KCNK10: variants seen among roughly 807,000 people sequenced by gnomAD.
KCNK10 encodes potassium channel subfamily K member 10.
Under a neutral mutation model 47.7 loss-of-function variants are expected in KCNK10, and 25 were observed. The observed-to-expected ratio is 0.52, with a 90% CI of 0.38 to 0.73. KCNK10 has a LOEUF of 0.73. KCNK10 is among the 30% of genes least tolerant of loss of function. KCNK10 has a pLI of 0.00. For missense variants in KCNK10, 563 were observed against 714.5 expected (o/e 0.79, Z 2.42); for synonymous variants, 303 against 285.6 (o/e 1.06, Z -0.61).
chr14:88,234,163 A>C (rs1390900812), intron 3 of KCNK10, among the ~76,000 whole-genome samples: 5 of 152,190 alleles, frequency 3.3e-5, no homozygotes, highest in Non-Finnish European at 7.3e-5. Flanking sequence ...GTGTCAGGCC[A>C]CCCAGCTTCC....
intron 4 of KCNK10, among the ~76,000 whole-genome samples, chr14:88,220,288 G>A (rs1025139990): frequency 2.0e-5 from 3 of 149,286 alleles, no homozygotes; most frequent in Non-Finnish European, 4.5e-5. Context: ...GTAGTGGCGG[G>A]CGCCTGTAGT....
At chr14:88,195,499 G>C (rs781463128) in intron 4 of KCNK10, among the ~76,000 whole-genome samples, 1 of 152,104 alleles carries the variant, frequency 6.6e-6, no homozygotes, top group South Asian at 2.1e-4. Context: ...CTCATATGTG[G>C]CTTAAGATAA....
chr14:88,263,655 A>C (rs1278016099), intron 1 of KCNK10, 104 bp from the exon 2 acceptor site: 10 of 1,041,802 alleles, frequency 9.6e-6, no homozygotes, highest in Admixed American at 2.7e-5. Context: ...GCCAGCTTTC[A>C]AATGTGAGGA....
intron 4 of KCNK10, 83 bp downstream of exon 4, chr14:88,227,292 C>A: frequency 9.1e-7 from 1 of 1,103,532 alleles, no homozygotes; most frequent in Non-Finnish European, 1.3e-6. Flanking sequence ...CAGACAATGC[C>A]CCTGATACTG....
chr14:88,210,367 C>T (rs1312983063), intron 4 of KCNK10, among the ~76,000 whole-genome samples: 1 of 152,096 alleles, frequency 6.6e-6, no homozygotes, highest in African/African-American at 2.4e-5. Context: ...GCCACATATC[C>T]CTATAGTGTT....
At chr14:88,207,210 T>A (rs1247964276) in intron 4 of KCNK10, among the ~76,000 whole-genome samples, 1 of 148,776 alleles carries the variant, frequency 6.7e-6, no homozygotes, top group African/African-American at 2.5e-5. Flanking sequence ...TCTCACTTTG[T>A]CGCCCAGGCC....
intron 4 of KCNK10, among the ~76,000 whole-genome samples, chr14:88,193,959 T>G (rs1029689033): frequency 5.9e-5 from 9 of 152,144 alleles, no homozygotes; most frequent in African/African-American, 1.9e-4. Flanking sequence ...TAAAAAATGG[T>G]CACCGGGTGA....
At chr14:88,263,900 C>G (rs956479789) in intron 1 of KCNK10, among the ~76,000 whole-genome samples, 1 of 152,138 alleles carries the variant, frequency 6.6e-6, no homozygotes, top group African/African-American at 2.4e-5. Context: ...AGGAATACAA[C>G]AAATCATCAG....
intron 2 of KCNK10, among the ~76,000 whole-genome samples, chr14:88,242,315 T>A (rs1027680774): frequency 2.0e-5 from 3 of 152,214 alleles, no homozygotes; most frequent in Non-Finnish European, 2.9e-5. Context: ...AAGGGTCAGA[T>A]AGTAAATATT....
intron 1 of KCNK10, among the ~76,000 whole-genome samples, chr14:88,284,687 C>T (rs572879120): frequency 6.6e-6 from 1 of 152,252 alleles, no homozygotes; most frequent in East Asian, 1.9e-4. Context: ...CTTTTTTTAG[C>T]CGTGCTGGCA....
intron 1 of KCNK10, among the ~76,000 whole-genome samples, chr14:88,309,721 CCT>C (rs540347186): frequency 6.2e-4 from 95 of 152,250 alleles, no homozygotes; most frequent in African/African-American, 2.2e-3. Flanking sequence ...TATGCTTTGT[CCT>C]CTTTTTGCTG....
intron 1 of KCNK10, among the ~76,000 whole-genome samples, chr14:88,308,182 C>T (rs777207804): frequency 8.5e-5 from 13 of 152,190 alleles, no homozygotes; most frequent in East Asian, 3.9e-4. Flanking sequence ...ATCACTAGGA[C>T]GAGCTTAAAA....
intron 1 of KCNK10, among the ~76,000 whole-genome samples, chr14:88,309,964 C>T (rs1267018227): frequency 2.6e-5 from 4 of 152,114 alleles, no homozygotes; most frequent in East Asian, 3.9e-4. Flanking sequence ...GACTTCCCCC[C>T]TTCCCACTTG....
At chr14:88,212,320 G>A (rs1364387785) in intron 4 of KCNK10, among the ~76,000 whole-genome samples, 1 of 151,586 alleles carries the variant, frequency 6.6e-6, no homozygotes, top group Non-Finnish European at 1.5e-5. Flanking sequence ...CATGCCTGTA[G>A]TCCCAGCGAT....
At chr14:88,201,574 C>T (rs1327525056) in intron 4 of KCNK10, among the ~76,000 whole-genome samples, 3 of 151,900 alleles carry the variant, frequency 2.0e-5, no homozygotes, top group African/African-American at 4.8e-5. Context: ...GCAGGGGAAT[C>T]GCTTGAACCC....
At chr14:88,310,489 G>A (rs1466338449) in intron 1 of KCNK10, among the ~76,000 whole-genome samples, 1 of 152,050 alleles carries the variant, frequency 6.6e-6, no homozygotes, top group Non-Finnish European at 1.5e-5. Context: ...GGGAAGGAGT[G>A]GTGTGTGTCA....
At chr14:88,300,249 C>T (rs539066064) in intron 1 of KCNK10, among the ~76,000 whole-genome samples, 2 of 152,310 alleles carry the variant, frequency 1.3e-5, no homozygotes, top group African/African-American at 4.8e-5. Flanking sequence ...CATTCCCTTC[C>T]CTGAGTAACG....
intron 2 of KCNK10, among the ~76,000 whole-genome samples, chr14:88,257,076 G>A (rs1319848923): frequency 6.6e-6 from 1 of 152,122 alleles, no homozygotes; most frequent in Non-Finnish European, 1.5e-5. Context: ...GCTGAGTCAG[G>A]TTTGAGTAAT....
At chr14:88,266,966 C>T (rs1297456530) in intron 1 of KCNK10, among the ~76,000 whole-genome samples, 3 of 152,200 alleles carry the variant, frequency 2.0e-5, no homozygotes, top group East Asian at 3.9e-4. Flanking sequence ...TGCGAAGAGA[C>T]TGTCCATTAG....
Sources: allele counts gnomAD v4.1 joint callset (sites outside exome capture counted in the v4.1 genomes callset), GRCh38; gene constraint gnomAD v4.1.1; transcripts MANE v1.5; gene names NCBI Gene and HGNC (gene_info 2026-07-23, HGNC 2026-07-21).